Variants in DLC1 observed in about 807,000 individuals in gnomAD.
DLC1 encodes the protein rho GTPase-activating protein 7.
Under a neutral mutation model 140.3 loss-of-function variants are expected in DLC1, and 54 were observed. The ratio of observed to expected loss-of-function variants is 0.38; its 90% CI spans 0.31 to 0.48. The LOEUF (loss-of-function observed/expected upper bound fraction) is 0.48. Ranked by LOEUF, DLC1 falls within the 20% of genes least tolerant of loss-of-function variation. The pLI is 0.96. For missense variants in DLC1, 2,536 were observed against 1,907.0 expected (o/e 1.33, Z -6.14); for synonymous variants, 986 against 728.1 (o/e 1.35, Z -5.70).
chr8:13,387,459 C>T (rs948075040), intron 4 of DLC1, among the ~76,000 whole-genome samples: 2 of 151,496 alleles, frequency 1.3e-5, no homozygotes, highest in East Asian at 3.9e-4. Context: ...TTAAATGATA[C>T]TTTAAAATGA....
intron 12 of DLC1, among the ~76,000 whole-genome samples, chr8:13,094,157 A>C (rs560093155): frequency 2.0e-5 from 3 of 152,206 alleles, no homozygotes; most frequent in Admixed American, 1.3e-4. Flanking sequence ...TCTTTATCTG[A>C]CCAGCTCAGA....
At chr8:13,178,347 G>C (rs1418904183) in intron 5 of DLC1, among the ~76,000 whole-genome samples, 1 of 152,014 alleles carries the variant, frequency 6.6e-6, no homozygotes, top group African/African-American at 2.4e-5. Context: ...CGGATCACGA[G>C]GTCAGGAGAT....
intron 1 of DLC1, among the ~76,000 whole-genome samples, chr8:13,568,439 A>T (rs199529354): frequency 6.6e-6 from 1 of 152,180 alleles, no homozygotes; most frequent in Non-Finnish European, 1.5e-5. Flanking sequence ...GACAGTTTGA[A>T]GAAACATTTG....
At chr8:13,405,551 C>CCA in intron 2 of DLC1, among the ~76,000 whole-genome samples, 1 of 152,094 alleles carries the variant, frequency 6.6e-6, no homozygotes, top group South Asian at 2.1e-4. Flanking sequence ...CTGGTAAAGT[C>CCA]GAGACTAGAG....
At chr8:13,177,118 T>C (rs1825799200) in intron 5 of DLC1, among the ~76,000 whole-genome samples, 2 of 152,206 alleles carry the variant, frequency 1.3e-5, no homozygotes, top group African/African-American at 2.4e-5. Flanking sequence ...ATTTTAATTG[T>C]TTATAGTTGA....
intron 4 of DLC1, among the ~76,000 whole-genome samples, chr8:13,331,281 C>A (rs1036249469): frequency 3.3e-5 from 5 of 152,150 alleles, no homozygotes; most frequent in African/African-American, 9.7e-5. Flanking sequence ...AGGAGTAAAC[C>A]TGGTATTCGT....
chr8:13,579,200 C>G (rs534149592), intron 1 of DLC1, among the ~76,000 whole-genome samples: 32 of 129,528 alleles, frequency 2.5e-4, no homozygotes, highest in Admixed American at 2.3e-3. Flanking sequence ...TCTCCTAGCA[C>G]CGCCGCATAA....
chr8:13,218,552 C>T (rs1261636243), intron 5 of DLC1, among the ~76,000 whole-genome samples: 2 of 151,584 alleles, frequency 1.3e-5, no homozygotes, highest in African/African-American at 4.9e-5. Flanking sequence ...TAGGGAATTG[C>T]AAATCAAAAC....
chr8:13,447,008 GA>G (rs1325198241), intron 2 of DLC1, among the ~76,000 whole-genome samples: 1 of 151,956 alleles, frequency 6.6e-6, no homozygotes, highest in African/African-American at 2.4e-5. Flanking sequence ...TGGAAGTAAA[GA>G]AGAAAAGAAA....
At chr8:13,339,043 G>C (rs903187958) in intron 4 of DLC1, among the ~76,000 whole-genome samples, 1 of 152,146 alleles carries the variant, frequency 6.6e-6, no homozygotes, top group East Asian at 1.9e-4. Context: ...AATAAGGAAA[G>C]GTAATTTCTA....
intron 1 of DLC1, among the ~76,000 whole-genome samples, chr8:13,586,347 G>A (rs957209782): frequency 2.0e-5 from 3 of 152,128 alleles, no homozygotes; most frequent in African/African-American, 7.2e-5. Flanking sequence ...GAAACAGGAA[G>A]TAAATCAGTA....
At position 13,430,753 on chromosome 8, in the gene DLC1, T is replaced by C. The variant is rs115717649; in HGVS notation, c.1024-29134A>G. On this transcript the variant is annotated intron_variant, in intron 2 of 17. Coordinates refer to ENST00000276297, the MANE Select transcript of DLC1 (RefSeq NM_182643.3). ...ATCAACATTTATTTCTTGGTTAAAATTCTAAATCTAAAAGCAAAATGTTTA... is the reference window on the plus strand; with the variant it reads ...ATCAACATTTATTTCTTGGTTAAAACTCTAAATCTAAAAGCAAAATGTTTA... 5.9e-3 allele frequency among the ~76,000 whole-genome samples: 896 copies of C among 152,324 alleles called. 12 individuals are homozygous for C. Among genetic ancestry groups the C allele is most frequent in the African/African-American group, 0.021 (859 of 41,582 alleles).
At chr8:13,305,107 T>A in intron 5 of DLC1, 162 bp downstream of exon 5, 1 of 1,310,666 alleles carries the variant, frequency 7.6e-7, no homozygotes, top group Non-Finnish European at 9.8e-7. Flanking sequence ...ATATTTTTCT[T>A]ACATATTGAG....
chr8:13,260,433 G>A (rs1386554545), intron 5 of DLC1, among the ~76,000 whole-genome samples: 34 of 152,202 alleles, frequency 2.2e-4, no homozygotes, highest in Non-Finnish European at 1.5e-5. Context: ...CATGAGGCAT[G>A]AAGGAGAGGT....
intron 2 of DLC1, among the ~76,000 whole-genome samples, chr8:13,463,436 A>C (rs898947971): frequency 3.9e-5 from 6 of 152,210 alleles, no homozygotes; most frequent in Admixed American, 2.6e-4. Context: ...TAAGGAATAA[A>C]TATACCTAAA....
intron 5 of DLC1, among the ~76,000 whole-genome samples, chr8:13,199,005 C>G (rs1452927185): frequency 6.6e-6 from 1 of 152,054 alleles, no homozygotes; most frequent in Non-Finnish European, 1.5e-5. Flanking sequence ...GTGTGAGCCA[C>G]CGTGTCCGGC....
chr8:13,446,430 G>C (rs1228041468), intron 2 of DLC1, among the ~76,000 whole-genome samples: 1 of 152,116 alleles, frequency 6.6e-6, no homozygotes, highest in African/African-American at 2.4e-5. Context: ...TTCTCACTGA[G>C]CAAGACTGTT....
intron 7 of DLC1, among the ~76,000 whole-genome samples, chr8:13,104,223 C>T (rs910812946): frequency 2.0e-5 from 3 of 152,080 alleles, no homozygotes; most frequent in South Asian, 2.1e-4. Flanking sequence ...AAATTAAGCA[C>T]TCAGGTAAGA....
chr8:13,321,498 A>G (rs1833111127), intron 4 of DLC1, among the ~76,000 whole-genome samples: 1 of 136,672 alleles, frequency 7.3e-6, no homozygotes, highest in African/African-American at 2.7e-5. Context: ...AGATCGCACC[A>G]CTGCACTCCA....
Sources: gnomAD v4.1 joint callset for allele counts (sites outside exome capture counted in the v4.1 genomes callset) on GRCh38, gnomAD v4.1.1 for gene constraint, MANE v1.5 for transcripts, NCBI Gene and HGNC (gene_info 2026-07-23, HGNC 2026-07-21) for gene names.